The following IL1RAPL2 variants were observed in gnomAD, a reference collection of about 807,000 sequenced individuals.
The protein encoded by IL1RAPL2 is interleukin 1 receptor accessory protein like 2.
Under a neutral mutation model 44.1 loss-of-function variants are expected in IL1RAPL2, and 3 were observed. The observed-to-expected ratio is 0.07, with a 90% CI of 0.03 to 0.18. The LOEUF (loss-of-function observed/expected upper bound fraction) is 0.18. Ranked by LOEUF, IL1RAPL2 falls within the 10% of genes least tolerant of loss-of-function variation. The pLI, the probability that IL1RAPL2 is intolerant of heterozygous loss-of-function variation, is 1.00. For synonymous variants in IL1RAPL2, 181 were observed against 178.8 expected, an observed-to-expected ratio of 1.01 and a Z score of -0.10; for missense variants, 391 against 496.4, an observed-to-expected ratio of 0.79 and a Z score of 2.02.
chrX:104,713,599 GTA>G (rs59705641), intron 2 of IL1RAPL2, among the ~76,000 whole-genome samples: 14 of 107,794 alleles, frequency 1.3e-4, no homozygotes, highest in Admixed American at 3.0e-4. Context: ...CTTTTTATGT[GTA>G]TATATATATA....
rs146929930 is a variant in IL1RAPL2 at position 105,126,175 on chromosome X, A to G, written c.83-69300A>G. Among the ~76,000 whole-genome samples, 15 of 111,252 alleles carry G rather than the reference A, an allele frequency of 1.3e-4. 2 individuals carry two copies. Among genetic ancestry groups the G allele is most frequent in the African/African-American group, 4.9e-4 (15 of 30,767 alleles). ...TGCTCCTAGTTAAGCCTCTGTAGCC[A>G]TACAGAATCAATGTACTTTCTCTTC... is the stretch of plus-strand genomic sequence containing the variant. On this transcript the variant is annotated intron_variant, in intron 2 of 10. Transcript: ENST00000372582.
chrX:105,387,237 CTT>C (rs577370014), intron 5 of IL1RAPL2, among the ~76,000 whole-genome samples: 31 of 90,805 alleles, frequency 3.4e-4, no homozygotes, highest in African/African-American at 1.2e-3. Flanking sequence ...TGTGCATTTT[CTT>C]TTTTTTTTTT....
At chrX:105,268,269 A>G (rs1460840418) in intron 5 of IL1RAPL2, among the ~76,000 whole-genome samples, 2 of 111,528 alleles carry the variant, frequency 1.8e-5, no homozygotes, top group Non-Finnish European at 3.8e-5. Flanking sequence ...TAATTTTCCT[A>G]TTATTATATC....
intron 6 of IL1RAPL2, among the ~76,000 whole-genome samples, chrX:105,581,253 A>G (rs2037087528): frequency 8.9e-6 from 1 of 112,032 alleles, no homozygotes; most frequent in Non-Finnish European, 1.9e-5. Context: ...ATAGTTATGT[A>G]TATGCTAATT....
intron 5 of IL1RAPL2, among the ~76,000 whole-genome samples, chrX:105,309,718 C>A (rs192591327): frequency 1.3e-4 from 11 of 84,668 alleles, no homozygotes; most frequent in Admixed American, 1.4e-4. Context: ...GCCAACAGGG[C>A]GAGACTCTGT....
intron 3 of IL1RAPL2, among the ~76,000 whole-genome samples, chrX:105,204,349 A>G (rs191255008): frequency 6.8e-4 from 76 of 111,602 alleles, no homozygotes; most frequent in African/African-American, 2.4e-3. Flanking sequence ...GTATTCTATC[A>G]AGAGGATTCT....
chrX:105,533,314 G>C (rs751597760), intron 6 of IL1RAPL2, among the ~76,000 whole-genome samples: 3 of 112,175 alleles, frequency 2.7e-5, no homozygotes, highest in Non-Finnish European at 5.6e-5. Context: ...TTTATAGAAG[G>C]TTGCAAAGAA....
At chrX:105,184,764 C>A (rs1336984965) in intron 2 of IL1RAPL2, among the ~76,000 whole-genome samples, 2 of 109,635 alleles carry the variant, frequency 1.8e-5, no homozygotes, top group African/African-American at 3.3e-5. Flanking sequence ...GGTAATATGA[C>A]TCACCTATGA....
intron 6 of IL1RAPL2, among the ~76,000 whole-genome samples, chrX:105,572,235 T>A (rs771342493): frequency 2.7e-5 from 3 of 111,639 alleles, no homozygotes; most frequent in Non-Finnish European, 3.8e-5. Flanking sequence ...TAGAAAATTA[T>A]TTACAAGAAA....
intron 1 of IL1RAPL2, among the ~76,000 whole-genome samples, chrX:104,611,062 A>C (rs374949391): frequency 9.0e-6 from 1 of 111,594 alleles, no homozygotes; most frequent in African/African-American, 3.3e-5. Context: ...TCCAGATGCC[A>C]GCCAGAGCTC....
intron 7 of IL1RAPL2, among the ~76,000 whole-genome samples, chrX:105,725,514 G>A (rs988969804): frequency 5.4e-5 from 6 of 111,125 alleles, no homozygotes; most frequent in African/African-American, 2.0e-4. Context: ...CTAATAAAGA[G>A]GGAAGGTGAT....
intron 2 of IL1RAPL2, among the ~76,000 whole-genome samples, chrX:105,074,469 T>G (rs752089786): frequency 1.3e-4 from 14 of 111,609 alleles, no homozygotes; most frequent in Admixed American, 1.2e-3. Context: ...TGAAGTCAGG[T>G]AGCGTGATAC....
chrX:105,372,173 C>T (rs1273887836), intron 5 of IL1RAPL2, among the ~76,000 whole-genome samples: 1 of 111,174 alleles, frequency 9.0e-6, no homozygotes, highest in South Asian at 3.8e-4. Context: ...CAGTGGCTCA[C>T]GACTGTAATC....
intron 1 of IL1RAPL2, among the ~76,000 whole-genome samples, chrX:104,570,806 C>T (rs938456811): frequency 1.8e-5 from 2 of 111,964 alleles, no homozygotes; most frequent in African/African-American, 6.5e-5. Context: ...CTCACAGCTT[C>T]GTGTAGCTAT....
rs953799676 is a variant in IL1RAPL2, at chrX:104,823,100, T to C, written c.82+164105T>C. ...TAGGGATGCTTGTGATTTTTGCACATTGATTTTTTTTTTATTATACTTTAA... is the reference window on the plus strand; with the variant it reads ...TAGGGATGCTTGTGATTTTTGCACACTGATTTTTTTTTTATTATACTTTAA... On this transcript the variant is annotated intron_variant, in intron 2 of 10. Transcript: ENST00000372582. 3.6e-5 allele frequency among the ~76,000 whole-genome samples: 4 copies of C among 111,400 alleles called. No individual in the cohort carries two copies. In the East Asian group the frequency reaches 8.4e-4, roughly 24 times the overall value.
intron 5 of IL1RAPL2, among the ~76,000 whole-genome samples, chrX:105,426,138 A>C (rs5962517): frequency 0.026 from 2,876 of 109,514 alleles, 94 homozygotes; most frequent in African/African-American, 0.09. Flanking sequence ...CTAGGAAAGT[A>C]CCCAGACATA....
At chrX:105,307,680 CATATATA>C (rs2034761916) in intron 5 of IL1RAPL2, among the ~76,000 whole-genome samples, 1 of 75,327 alleles carries the variant, frequency 1.3e-5, no homozygotes, top group East Asian at 3.9e-4. Context: ...ATACAGTACA[CATATATA>C]ATATATATGA....
intron 2 of IL1RAPL2, among the ~76,000 whole-genome samples, chrX:104,785,360 A>C (rs1932793216): frequency 9.0e-6 from 1 of 111,720 alleles, no homozygotes; most frequent in African/African-American, 3.3e-5. Context: ...ACTTGAAAAT[A>C]ATCAGATAAT....
chrX:105,406,857 G>T, intron 5 of IL1RAPL2: 1 of 1,140,245 alleles, frequency 8.8e-7, no homozygotes, highest in Non-Finnish European at 1.2e-6. Flanking sequence ...ACCTGAGAGT[G>T]GCTACCTTAA....
Sources: gnomAD v4.1 joint callset for allele counts (sites outside exome capture counted in the v4.1 genomes callset) on GRCh38, gnomAD v4.1.1 for gene constraint, MANE v1.5 for transcripts, NCBI Gene and HGNC (gene_info 2026-07-23, HGNC 2026-07-21) for gene names.